Variants in F13A1 observed in about 807,000 individuals in gnomAD.
F13A1 encodes the protein FSF, A subunit.
A neutral mutation model predicts 80.1 loss-of-function variants in F13A1; 47 were observed. The observed-to-expected ratio is 0.59, with a 90% CI of 0.46 to 0.75. F13A1 has a LOEUF of 0.75. F13A1 is among the 30% of genes least tolerant of loss of function. F13A1 has a pLI of 0.00. For missense variants in F13A1, 817 were observed against 930.4 expected, an observed-to-expected ratio of 0.88 and a Z score of 1.59; for synonymous variants, 349 against 344.9, an observed-to-expected ratio of 1.01 and a Z score of -0.13.
At chr6:6,172,836 G>T (rs1760800859) in intron 12 of F13A1, among the ~76,000 whole-genome samples, 1 of 152,086 alleles carries the variant, frequency 6.6e-6, no homozygotes, top group Non-Finnish European at 1.5e-5. Flanking sequence ...TTGGAATTAG[G>T]ATTTTAAAAA....
At chr6:6,161,588 C>T (rs1234284683) in intron 13 of F13A1, among the ~76,000 whole-genome samples, 1 of 149,232 alleles carries the variant, frequency 6.7e-6, no homozygotes, top group Non-Finnish European at 1.5e-5. Flanking sequence ...GAACAAGCAA[C>T]ACATGGGAAG....
chr6:6,167,677 C>T, intron 12 of F13A1, 59 bp from the exon 13 acceptor site: 3 of 1,591,500 alleles, frequency 1.9e-6, no homozygotes, highest in Non-Finnish European at 2.6e-6. Context: ...GTCTGCTTTA[C>T]TTTTCTCCAA....
intron 3 of F13A1, among the ~76,000 whole-genome samples, chr6:6,288,236 G>A (rs1758165283): frequency 6.6e-6 from 1 of 152,058 alleles, no homozygotes; most frequent in South Asian, 2.1e-4. Flanking sequence ...TTAAACTGTG[G>A]TCACCAAGCC....
chr6:6,206,271 A>G (rs1208328077), intron 8 of F13A1: 7 of 324,636 alleles, frequency 2.2e-5, no homozygotes, highest in Admixed American at 4.4e-5. Context: ...GAATTACATT[A>G]CATTCAGTAT....
chr6:6,190,873 G>A (rs1426344964), intron 10 of F13A1, among the ~76,000 whole-genome samples: 19 of 150,564 alleles, frequency 1.3e-4, no homozygotes, highest in African/African-American at 4.7e-4. Flanking sequence ...AGCAATCAGC[G>A]AGACTCCGTG....
intron 10 of F13A1, among the ~76,000 whole-genome samples, chr6:6,191,116 C>T (rs1433812665): frequency 6.6e-6 from 1 of 152,228 alleles, no homozygotes; most frequent in South Asian, 2.1e-4. Context: ...TGACCTGTGC[C>T]CACTGTCTGG....
chr6:6,266,914 T>A, intron 3 of F13A1, 105 bp from the exon 4 acceptor site: 1 of 1,500,662 alleles, frequency 6.7e-7, no homozygotes, highest in Non-Finnish European at 9.2e-7. Flanking sequence ...TCCATTAGAA[T>A]TATTCTTGAC....
chr6:6,183,049 A>G (rs533712682), intron 10 of F13A1, among the ~76,000 whole-genome samples: 1 of 152,222 alleles, frequency 6.6e-6, no homozygotes, highest in African/African-American at 2.4e-5. Flanking sequence ...CTTTCTAGAG[A>G]CAATGACTAA....
At position 6,181,916 on chromosome 6, in the gene F13A1, T is replaced by C. The variant is rs545980833; in HGVS notation, c.1459+72A>G. On this transcript the variant is annotated intron_variant, in intron 11 of 14. Transcript: ENST00000264870. ...ATGCCAGTGCATTCTCTGGAACTCA[T>C]CTCTGAGTGACAATGAATAAGTACT... The C allele has an allele frequency of 3.2e-6, 5 of 1,543,436 alleles. No individual in the cohort carries two copies. In the East Asian group the frequency reaches 1.1e-4, roughly 35 times the overall value.
chr6:6,223,504 G>C (rs969668902), intron 7 of F13A1, among the ~76,000 whole-genome samples: 1 of 152,128 alleles, frequency 6.6e-6, no homozygotes, highest in African/African-American at 2.4e-5. Flanking sequence ...AACCTACCAT[G>C]AAGTTCCGGC....
At chr6:6,156,206 T>G in intron 13 of F13A1, among the ~76,000 whole-genome samples, 1 of 152,252 alleles carries the variant, frequency 6.6e-6, no homozygotes. Context: ...TCAAGTTACA[T>G]ATCACTTACT....
chr6:6,245,313 C>G (rs1757539884), intron 6 of F13A1, among the ~76,000 whole-genome samples: 1 of 152,144 alleles, frequency 6.6e-6, no homozygotes, highest in Non-Finnish European at 1.5e-5. Context: ...ACCTCTGCCT[C>G]CCGGGTTCAA....
intron 3 of F13A1, among the ~76,000 whole-genome samples, chr6:6,294,724 A>C (rs1315631870): frequency 8.2e-6 from 1 of 121,962 alleles, no homozygotes; most frequent in Non-Finnish European, 1.9e-5. Context: ...TTTTTTTTTT[A>C]GTCTTTTTTT....
intron 6 of F13A1, among the ~76,000 whole-genome samples, chr6:6,229,953 G>T (rs1352434278): frequency 2.6e-5 from 4 of 152,284 alleles, no homozygotes; most frequent in South Asian, 4.1e-4. Flanking sequence ...AGCTTGCTAG[G>T]TCCCCTAGCA....
chr6:6,307,038 G>T (rs905246625), intron 2 of F13A1, among the ~76,000 whole-genome samples: 3 of 152,178 alleles, frequency 2.0e-5, no homozygotes, highest in African/African-American at 7.2e-5. Flanking sequence ...CTGCGTTAAG[G>T]TACTTTACCT....
chr6:6,245,062 G>C lies in F13A1; in HGVS notation c.798+3250C>G, dbSNP rs535615449. Among the ~76,000 whole-genome samples, 3 of 152,286 alleles carry C rather than the reference G, an allele frequency of 2.0e-5. No individual in the cohort carries two copies. The South Asian group carries it at 6.2e-4, about 32-fold the overall frequency. ...ATTTGGTAATATGTGGAATCAGTTT[G>C]AGTTGTCACAACTGGTAAGGGAACA... On this transcript the variant is annotated intron_variant, in intron 6 of 14. Coordinates refer to ENST00000264870, the MANE Select transcript of F13A1 (RefSeq NM_000129.4).
chr6:6,169,454 G>A lies in F13A1; in HGVS notation c.1748-1836C>T, dbSNP rs373533334. ...TGTGAGATACTCTGAGAGACAGGAG[G>A]TTCTAACAGCAGAAGGGGTAAGTTA... On this transcript the variant is annotated intron_variant, in intron 12 of 14. Transcript: ENST00000264870. 7.8e-5 allele frequency: 12 copies of A among 154,292 alleles called. No individual in the cohort carries two copies. The East Asian group carries it at 1.9e-3, about 25-fold the overall frequency. 9.6% of individuals were successfully genotyped at this position (154,292 alleles called of 1,614,324 possible). A position where few individuals can be genotyped will look rare whatever the true frequency, so the allele number is the denominator to read the frequency against.
In F13A1 at chr6:6,318,688, G is replaced by GAAAAAA; in HGVS notation, c.-18-12_-18-7dup. 9.4e-6 allele frequency: 14 copies of GAAAAAA among 1,488,394 alleles called. No individual in the cohort carries two copies. The East Asian group carries it at 1.4e-4, about 15-fold the overall frequency. The allele number at this position is 1,488,394 out of a possible 1,614,324, so 92.2% of individuals were successfully genotyped here. A position where few individuals can be genotyped will look rare whatever the true frequency, so the allele number is the denominator to read the frequency against. The stretch of plus-strand genomic sequence containing the variant: ...ATTTTTGACTTTACAAGGTCCTTCA[G>GAAAAAA]AAAAAAAAAAAAAAGAAGACAACAG... On this transcript the variant is annotated splice_region_variant and splice_polypyrimidine_tract_variant and intron_variant, in intron 1 of 14. Coordinates refer to ENST00000264870, the MANE Select transcript of F13A1 (RefSeq NM_000129.4).
chr6:6,162,362 C>T lies in F13A1; in HGVS notation c.1908+5096G>A, dbSNP rs1169589922. Among the ~76,000 whole-genome samples, 1 of 152,234 alleles carries T rather than the reference C, an allele frequency of 6.6e-6. No individual in the cohort carries two copies. The highest frequency in any genetic ancestry group is 1.5e-5 in the Non-Finnish European group (1 of 68,044). ...TTCTTCCTAGTATCTGAAGGGGTCT[C>T]TCCATCCATCTCTACTGGTTGAACG... On this transcript the variant is annotated intron_variant, in intron 13 of 14. Coordinates refer to ENST00000264870, the MANE Select transcript of F13A1 (RefSeq NM_000129.4). This position sits in a 1 kb window ranked among gnomAD's most constrained non-coding sequence, Gnocchi z 4.2.
Sources: allele counts gnomAD v4.1 joint callset (sites outside exome capture counted in the v4.1 genomes callset), GRCh38; gene constraint gnomAD v4.1.1; non-coding constraint Gnocchi (gnomAD v3.1); transcripts MANE v1.5; gene names NCBI Gene and HGNC (gene_info 2026-07-23, HGNC 2026-07-21).